UNC13C: variants seen among roughly 807,000 people sequenced by gnomAD.
UNC13C encodes the protein unc-13 homolog C, also known as protein unc-13 homolog C.
In UNC13C, 174 loss-of-function variants were observed where a neutral mutation model predicts 245.4. The observed-to-expected ratio is 0.71, with a 90% CI of 0.63 to 0.80. The LOEUF (loss-of-function observed/expected upper bound fraction) is 0.80, where lower values mean the gene tolerates loss of function less well. UNC13C is among the 30% of genes least tolerant of loss of function. The pLI, the probability that UNC13C is intolerant of heterozygous loss-of-function variation, is 0.00. For missense variants in UNC13C, 2,829 were observed against 2,602.9 expected (o/e 1.09, Z -1.89); for synonymous variants, 992 against 895.1 (o/e 1.11, Z -1.93).
chr15:54,040,611 G>C (rs137912917), intron 2 of UNC13C, among the ~76,000 whole-genome samples: 319 of 152,290 alleles, frequency 2.1e-3, no homozygotes, highest in Non-Finnish European at 3.6e-3. Flanking sequence ...GTCATTGGTT[G>C]AGTTTTGCTT....
intron 4 of UNC13C, among the ~76,000 whole-genome samples, chr15:54,208,602 G>A (rs2034786206): frequency 6.6e-6 from 1 of 152,094 alleles, no homozygotes; most frequent in South Asian, 2.1e-4. Flanking sequence ...AGTACATTAT[G>A]TGTATGATGT....
chr15:54,247,325 T>G (rs897904840), intron 7 of UNC13C, among the ~76,000 whole-genome samples: 1 of 152,162 alleles, frequency 6.6e-6, no homozygotes, highest in Non-Finnish European at 1.5e-5. Flanking sequence ...CCACACTTTT[T>G]CCCTCTTATA....
chr15:53,859,588 A>T, the UNC13C span, among the ~76,000 whole-genome samples: 1 of 152,198 alleles, frequency 6.6e-6, no homozygotes, highest in South Asian at 2.1e-4. Flanking sequence ...TCTTATACTG[A>T]AGGAGTCTTT....
chr15:53,996,901 T>C (rs145711246), intron 1 of UNC13C, among the ~76,000 whole-genome samples: 54 of 152,188 alleles, frequency 3.5e-4, no homozygotes, highest in African/African-American at 1.3e-3. Context: ...CATTTGTTTG[T>C]GAAAATATGT....
At chr15:54,043,096 A>G (rs1426029807) in intron 2 of UNC13C, among the ~76,000 whole-genome samples, 2 of 152,176 alleles carry the variant, frequency 1.3e-5, no homozygotes, top group African/African-American at 4.8e-5. Context: ...AAATAAGCTT[A>G]TGGTAAATTT....
At chr15:53,968,520 T>A in the UNC13C span, among the ~76,000 whole-genome samples, 1 of 152,086 alleles carries the variant, frequency 6.6e-6, no homozygotes, top group Non-Finnish European at 1.5e-5. Context: ...GGGTTCTTAG[T>A]ATATTCACTG....
intron 2 of UNC13C, among the ~76,000 whole-genome samples, chr15:54,096,090 A>G (rs909304195): frequency 1.3e-4 from 20 of 152,222 alleles, no homozygotes; most frequent in Non-Finnish European, 4.4e-5. Flanking sequence ...GGTATGTGTG[A>G]GCCTTGAATG....
intron 19 of UNC13C, among the ~76,000 whole-genome samples, chr15:54,445,865 C>G (rs1481393208): frequency 6.6e-6 from 1 of 152,156 alleles, no homozygotes; most frequent in Non-Finnish European, 1.5e-5. Context: ...GAAGTCCTTG[C>G]CCATGCCTAT....
intron 7 of UNC13C, among the ~76,000 whole-genome samples, chr15:54,237,940 A>T (rs2035747974): frequency 2.6e-5 from 4 of 152,038 alleles, no homozygotes; most frequent in Admixed American, 2.6e-4. Context: ...CTTCCCTGTT[A>T]TTCTCCCTGT....
intron 2 of UNC13C, among the ~76,000 whole-genome samples, chr15:54,128,169 C>A (rs78842811): frequency 0.024 from 3,666 of 152,008 alleles, 151 homozygotes; most frequent in African/African-American, 0.08. Flanking sequence ...TTTACAATAG[C>A]CACAAAGAAA....
At chr15:54,538,157 A>AAAAAAAAAC in intron 26 of UNC13C, among the ~76,000 whole-genome samples, 1 of 147,406 alleles carries the variant, frequency 6.8e-6, no homozygotes, top group Non-Finnish European at 1.5e-5. Context: ...AAAAAAAAAA[A>AAAAAAAAAC]AAAAAAACCC....
intron 2 of UNC13C, among the ~76,000 whole-genome samples, chr15:54,067,101 A>T (rs748390394): frequency 6.6e-6 from 1 of 152,064 alleles, no homozygotes; most frequent in Non-Finnish European, 1.5e-5. Flanking sequence ...TAAGGCAATA[A>T]TTCTTCCCTA....
chr15:54,623,537 C>T (rs1456919642), intron 31 of UNC13C, among the ~76,000 whole-genome samples: 2 of 152,092 alleles, frequency 1.3e-5, no homozygotes, highest in Admixed American at 6.6e-5. Flanking sequence ...GAGGAGAGTG[C>T]TAACTTTTCA....
At chr15:53,901,385 A>AT in the UNC13C span, among the ~76,000 whole-genome samples, 20,780 of 150,366 alleles carry the variant, frequency 0.14, 1,723 homozygotes, top group South Asian at 0.19. Context: ...ATGCCTAGCT[A>AT]TTTTTTTTGT....
the UNC13C span, among the ~76,000 whole-genome samples, chr15:53,896,194 T>G: frequency 6.6e-6 from 1 of 152,040 alleles, no homozygotes; most frequent in Non-Finnish European, 1.5e-5. Context: ...CGTTGAAAAG[T>G]GTGTAACTAT....
At chr15:54,100,671 T>A (rs1401745283) in intron 2 of UNC13C, among the ~76,000 whole-genome samples, 1 of 151,930 alleles carries the variant, frequency 6.6e-6, no homozygotes, top group Non-Finnish European at 1.5e-5. Context: ...TTGCATACAC[T>A]TCTCCAACTC....
intron 24 of UNC13C, among the ~76,000 whole-genome samples, chr15:54,518,236 C>G (rs1321396503): frequency 6.6e-6 from 1 of 152,182 alleles, no homozygotes; most frequent in African/African-American, 2.4e-5. Context: ...TAGCTAACTG[C>G]TAAGCTTGTG....
chr15:54,111,896 T>C (rs1900795441), intron 2 of UNC13C, among the ~76,000 whole-genome samples: 1 of 152,096 alleles, frequency 6.6e-6, no homozygotes, highest in African/African-American at 2.4e-5. Flanking sequence ...GCAAAGTCTT[T>C]GATATATAGA....
chr15:54,264,505 C>A, intron 9 of UNC13C, 110 bp downstream of exon 9: 1 of 875,506 alleles, frequency 1.1e-6, no homozygotes, highest in Non-Finnish European at 1.7e-6. Flanking sequence ...TTTTTTGAAT[C>A]ATGTTAATAT....
Sources: allele counts gnomAD v4.1 joint callset (sites outside exome capture counted in the v4.1 genomes callset), GRCh38; gene constraint gnomAD v4.1.1; transcripts MANE v1.5; gene names NCBI Gene and HGNC (gene_info 2026-07-23, HGNC 2026-07-21).